The following RNASEL variants were observed in gnomAD, a reference collection of about 807,000 sequenced individuals.
RNASEL encodes the protein ribonuclease L, also known as 2-5A-dependent ribonuclease.
In RNASEL, 36 loss-of-function variants were observed where a neutral mutation model predicts 50.9. That is an observed-to-expected ratio of 0.71 (90% CI 0.54 to 0.93). The LOEUF is 0.93. Ranked by LOEUF, RNASEL falls within the 40% of genes least tolerant of loss-of-function variation. RNASEL has a pLI of 0.00. For synonymous variants in RNASEL, 335 were observed against 335.6 expected (o/e 1.00, Z 0.02); for missense variants, 860 against 894.5 (o/e 0.96, Z 0.49).
At position 182,584,115 on chromosome 1, in the gene RNASEL, G is replaced by C; in HGVS notation, c.1532C>G (p.Ala511Gly). ...TCTCTTGACTTCCTGTGGATCTCCA[G>C]CCCACTTGATGCTCTTATCAAAATC... ...LADFDKSIKW[A>G]GDPQEVKRDL... is the part of the protein sequence containing the mutation. The change falls in exon 3 of 7, where the codon GCT becomes GGT. Residue 511 changes from alanine (A) to glycine (G), a missense_variant. Transcript: ENST00000367559. 6.2e-7 allele frequency: 1 copy of C among 1,613,992 alleles called. No individual in the cohort carries two copies. The highest frequency in any genetic ancestry group is 1.3e-5 in the African/African-American group (1 of 75,048).
intron 3 of RNASEL, among the ~76,000 whole-genome samples, chr1:182,583,355 T>A (rs188425297): frequency 3.3e-5 from 5 of 152,220 alleles, no homozygotes; most frequent in African/African-American, 1.2e-4. Context: ...GGAAATGCCA[T>A]GGCCTACAGG....
At position 182,573,986 on chromosome 1, in the gene RNASEL, C is replaced by A. The variant is rs533360257; in HGVS notation, c.*1406G>T. On this transcript the variant is annotated 3_prime_UTR_variant, in exon 7 of 7. Coordinates refer to ENST00000367559, the MANE Select transcript of RNASEL (RefSeq NM_021133.4). Reference sequence around the variant, plus strand: ...AAGATAGTAACACTTCCTAGCTATACGTCCTAGAGGAAATCAAAATGTTTC... The same window carrying A: ...AAGATAGTAACACTTCCTAGCTATAAGTCCTAGAGGAAATCAAAATGTTTC... The A allele has an allele frequency of 5.0e-6, 1 of 199,244 alleles. No individual in the cohort carries two copies. The highest frequency in any genetic ancestry group is 1.0e-5 in the Non-Finnish European group (1 of 96,436). 12.3% of individuals were successfully genotyped at this position (199,244 alleles called of 1,614,324 possible).
At chr1:182,588,037 G>A (rs576402507) in intron 1 of RNASEL, among the ~76,000 whole-genome samples, 1 of 152,308 alleles carries the variant, frequency 6.6e-6, no homozygotes, top group African/African-American at 2.4e-5. Flanking sequence ...GTAGCCTAAT[G>A]TAAGTGTTCT....
At position 182,575,435 on chromosome 1, in the gene RNASEL, T is replaced by C. The variant is rs1347962627; in HGVS notation, c.2183A>G (p.Asp728Gly). The change falls in exon 7 of 7, where the codon GAT becomes GGT. Residue 728 changes from aspartate (D) to glycine (G), a missense_variant. Transcript: ENST00000367559. The stretch of plus-strand genomic sequence containing the variant: ...CAACCCACTGGCCCCACCAGCTCCA[T>C]CACACTGAGGCTTGTTTGGACTGTG... ...QTHSPNKPQC[D>G]GAGGASGLAS... 6.2e-7 allele frequency: 1 copy of C among 1,614,218 alleles called. No individual in the cohort carries two copies. The highest frequency in any genetic ancestry group is 2.2e-5 in the East Asian group (1 of 44,884).
At position 182,586,291 on chromosome 1, in the gene RNASEL, G is replaced by A; in HGVS notation, c.516C>T (p.Leu172=). ...CGTGTCCTTTTTCAGCAGCGTCCATGAGAGCTGTGGCCCCTCCTTTCCTCA... is the reference window on the plus strand; with the variant it reads ...CGTGTCCTTTTTCAGCAGCGTCCATAAGAGCTGTGGCCCCTCCTTTCCTCA... ...ERLRKGGATA[L]MDAAEKGHVE... The change falls in exon 2 of 7, where the codon CTC becomes CTT. Residue 172 remains leucine, a synonymous_variant. Coordinates refer to ENST00000367559, the MANE Select transcript of RNASEL (RefSeq NM_021133.4). The A allele has an allele frequency of 5.0e-6, 8 of 1,614,184 alleles. No individual in the cohort carries two copies. The highest frequency in any genetic ancestry group is 6.8e-6 in the Non-Finnish European group (8 of 1,180,030).
At chr1:182,575,673 T>G (rs1571262057) in intron 6 of RNASEL, 95 bp from the exon 7 acceptor site, 1 of 1,496,898 alleles carries the variant, frequency 6.7e-7, no homozygotes, top group Admixed American at 1.9e-5. Flanking sequence ...GCTCGCTTGA[T>G]TTCTATTGCA....
chr1:182,579,656 G>A, intron 5 of RNASEL: 1 of 1,145,918 alleles, frequency 8.7e-7, no homozygotes, highest in Non-Finnish European at 1.1e-6. Flanking sequence ...TGTAAAATGG[G>A]AATTAAAAGG....
In RNASEL at chr1:182,576,390, C is replaced by T. The variant is rs1661381608; in HGVS notation, c.1906-1G>A. ...TTTTTTTCATAACACATTCATTAAT[C>T]TAAAAAAACAAAAAATAACACAAAA... On this transcript the variant is annotated splice_acceptor_variant, in intron 5 of 6. Transcript: ENST00000367559. LOFTEE classifies it high-confidence loss of function. The T allele has an allele frequency of 6.4e-7, 1 of 1,563,412 alleles. No homozygotes were observed. The highest frequency in any genetic ancestry group is 1.4e-5 in the African/African-American group (1 of 73,484).
At chr1:182,579,275 C>G (rs575466065) in intron 5 of RNASEL, 1 of 985,838 alleles carries the variant, frequency 1.0e-6, no homozygotes, top group Non-Finnish European at 1.2e-6. Context: ...CCCAGGGCAA[C>G]TCCTTTCATA....
chr1:182,577,077 G>GT (rs1218826745), intron 5 of RNASEL: 1 of 150,240 alleles, frequency 6.7e-6, no homozygotes, highest in Non-Finnish European at 1.5e-5. Flanking sequence ...TAGAGACAGG[G>GT]TTTCACCATG....
intron 5 of RNASEL, chr1:182,579,324 C>T: frequency 1.0e-6 from 1 of 986,888 alleles, no homozygotes; most frequent in Non-Finnish European, 1.2e-6. Context: ...GCTTGTCACC[C>T]TCATAGATAC....
In RNASEL at chr1:182,586,410, C is replaced by G. The variant is rs1402551984; in HGVS notation, c.397G>C (p.Ala133Pro). 6.2e-7 allele frequency: 1 copy of G among 1,614,154 alleles called. No individual in the cohort carries two copies. Among genetic ancestry groups the G allele is most frequent in the Non-Finnish European group, 8.5e-7 (1 of 1,180,034 alleles). Residue 133 changes from alanine (A) to proline (P), a missense_variant, in exon 2 of 7, where the codon GCT (alanine) becomes CCT (proline). Transcript: ENST00000367559. ...AGGGCTTTGACCTTACCATACACAG[C>G]GGCTTCCATGAAGGCTGTGAAGCCA... ...FYGFTAFMEA[A>P]VYGKVKALKF...
In RNASEL at chr1:182,585,932, A is replaced by G. The variant is rs781373539; in HGVS notation, c.875T>C (p.Leu292Pro). Residue 292 changes from leucine (L) to proline (P), a missense_variant, in exon 2 of 7, where the codon CTG (leucine) becomes CCG (proline). By Grantham distance (98) the Leu-to-Pro change is moderately conservative. Transcript: ENST00000367559. Reference protein sequence around the residue: ...ELKLKKIAELLCKRGASTDCG... With the variant: ...ELKLKKIAELPCKRGASTDCG... ...ATCTGTACTGGCTCCACGTTTGCAC[A>G]GCAACTCGGCGATTTTCTTCAGTTT... The G allele has an allele frequency of 4.5e-5, 73 of 1,614,084 alleles. No homozygotes were observed. Among genetic ancestry groups the G allele is most frequent in the Non-Finnish European group, 6.0e-5 (71 of 1,180,042 alleles).
At chr1:182,581,189 C>T (rs1661486609) in intron 5 of RNASEL, 36 bp downstream of exon 5, 1 of 1,613,864 alleles carries the variant, frequency 6.2e-7, no homozygotes, top group Non-Finnish European at 8.5e-7. Flanking sequence ...ATTCTTATTC[C>T]TGGACTAACC....
rs115739044 is a variant in RNASEL at position 182,588,896 on chromosome 1, A to C, written c.-165+271T>G. Among the ~76,000 whole-genome samples the C allele has an allele frequency of 4.5e-3, 692 of 152,282 alleles. 5 individuals are homozygous for C. Among genetic ancestry groups the C allele is most frequent in the African/African-American group, 0.015 (606 of 41,566 alleles). On this transcript the variant is annotated intron_variant, in intron 1 of 6. Coordinates refer to ENST00000367559, the MANE Select transcript of RNASEL (RefSeq NM_021133.4). ...GCCTGCGGAAGTACTCCAACAGACAATCCTGCTTTCAATTTCACTTTCTCT... is the reference window on the plus strand; with the variant it reads ...GCCTGCGGAAGTACTCCAACAGACACTCCTGCTTTCAATTTCACTTTCTCT...
At chr1:182,578,349 C>T (rs770359886) in intron 5 of RNASEL, 7 of 152,066 alleles carry the variant, frequency 4.6e-5, no homozygotes, top group Non-Finnish European at 7.4e-5. Flanking sequence ...CAAAAGAAGA[C>T]GTACAAATTG....
intron 3 of RNASEL, among the ~76,000 whole-genome samples, chr1:182,583,207 T>G (rs1661527199): frequency 6.6e-6 from 1 of 152,204 alleles, no homozygotes; most frequent in South Asian, 2.1e-4. Context: ...CTCAGTTTAT[T>G]TACTTATTAA....
rs1192139971 is a variant in RNASEL, at chr1:182,576,364, A to AT, written c.1930dup (p.Met644AsnfsTer3). 3.1e-6 allele frequency: 5 copies of AT among 1,589,098 alleles called. No individual in the cohort carries two copies. The highest frequency in any genetic ancestry group is 2.2e-5 in the East Asian group (1 of 44,660). On this transcript the variant is annotated frameshift_variant, in exon 6 of 7. Transcript: ENST00000367559. LOFTEE classifies it high-confidence loss of function. ...GCCTCTTTTTTCATAAAACTTATTC[A>AT]TTTTTTTCATAACACATTCATTAAT...
chr1:182,577,436 A>T (rs1487143126), intron 5 of RNASEL, among the ~76,000 whole-genome samples: 1 of 152,190 alleles, frequency 6.6e-6, no homozygotes, highest in Admixed American at 6.5e-5. Context: ...TAAAAGGGCT[A>T]TTCAGACTGA....
Sources: allele counts gnomAD v4.1 joint callset (sites outside exome capture counted in the v4.1 genomes callset), GRCh38; gene constraint gnomAD v4.1.1; transcripts MANE v1.5; gene names NCBI Gene and HGNC (gene_info 2026-07-23, HGNC 2026-07-21).